COL24A1: variants seen among roughly 807,000 people sequenced by gnomAD.
The protein encoded by COL24A1 is collagen type XXIV alpha 1 chain, also known as collagen alpha-1(XXIV) chain.
COL24A1 carries 224 observed loss-of-function variants against 253.9 expected under a neutral mutation model. The observed-to-expected ratio is 0.88, with a 90% CI of 0.79 to 0.99. The LOEUF (loss-of-function observed/expected upper bound fraction) is 0.99. Among genes scored for constraint, COL24A1 ranks in the 50% least tolerant of loss-of-function variants. The pLI is 0.00. For synonymous variants in COL24A1, 685 were observed against 673.7 expected, an observed-to-expected ratio of 1.02 and a Z score of -0.26; for missense variants, 2,131 against 2,068.5, an observed-to-expected ratio of 1.03 and a Z score of -0.59.
intron 43 of COL24A1, among the ~76,000 whole-genome samples, chr1:85,827,268 G>A (rs889272517): frequency 6.6e-6 from 1 of 151,568 alleles, no homozygotes; most frequent in Non-Finnish European, 1.5e-5. Context: ...GCATCCCAGG[G>A]ATGAAGCCCA....
At chr1:86,137,862 C>T (rs116729938) in intron 2 of COL24A1, among the ~76,000 whole-genome samples, 284 of 152,254 alleles carry the variant, frequency 1.9e-3, no homozygotes, top group African/African-American at 6.5e-3. Flanking sequence ...AGTGAAGAGT[C>T]TCACAACCAC....
intron 57 of COL24A1, among the ~76,000 whole-genome samples, chr1:85,742,925 A>G (rs1168023140): frequency 6.6e-6 from 1 of 152,112 alleles, no homozygotes. Context: ...CATAAAGCAT[A>G]TTCAAGAATC....
At chr1:86,130,072 T>C (rs1648928478) in intron 2 of COL24A1, among the ~76,000 whole-genome samples, 1 of 151,858 alleles carries the variant, frequency 6.6e-6, no homozygotes. Context: ...AGTTCACATA[T>C]TTATTGAGTA....
intron 18 of COL24A1, among the ~76,000 whole-genome samples, chr1:86,019,516 C>T (rs900639518): frequency 1.3e-5 from 2 of 151,812 alleles, no homozygotes; most frequent in Non-Finnish European, 2.9e-5. Flanking sequence ...TGTGATGGCA[C>T]CATTACACTC....
At chr1:85,766,368 C>CAAAAAAAAAAAAAAAAAAAAAA (rs1319642983) in intron 53 of COL24A1, among the ~76,000 whole-genome samples, 1 of 66,292 alleles carries the variant, frequency 1.5e-5, no homozygotes, top group Non-Finnish European at 2.6e-5. Context: ...GACTCTGTCT[C>CAAAAAAAAAAAAAAAAAAAAAA]AAAAAAAAAA....
At chr1:85,953,118 C>A (rs544365434) in intron 24 of COL24A1, among the ~76,000 whole-genome samples, 66 of 152,216 alleles carry the variant, frequency 4.3e-4, no homozygotes, top group African/African-American at 1.5e-3. Context: ...ATCATTAGAA[C>A]CCTTTGCTAT....
chr1:85,741,223 T>C (rs886825939), intron 57 of COL24A1, among the ~76,000 whole-genome samples: 2 of 152,174 alleles, frequency 1.3e-5, no homozygotes, highest in Non-Finnish European at 2.9e-5. Flanking sequence ...CTCTTTTGAG[T>C]CTGCTTTCGT....
In COL24A1 at chr1:86,126,094, C is replaced by G. The variant is rs768447438; in HGVS notation, c.242G>C (p.Gly81Ala). The G allele has an allele frequency of 6.2e-7, 1 of 1,613,216 alleles. No homozygotes were observed. The highest frequency in any genetic ancestry group is 8.5e-7 in the Non-Finnish European group (1 of 1,179,766). The change falls in exon 3 of 60, where the codon GGA becomes GCA. Residue 81 changes from glycine (G) to alanine (A), a missense_variant. Transcript: ENST00000370571. ...LPQGVHLTES[G>A]VIFKNDAYIE... ...ATAAGCATCATTTTTAAAAATGACTCCTGATTCTGTTAAATGGACCCCCTG... is the reference window on the plus strand; with the variant it reads ...ATAAGCATCATTTTTAAAAATGACTGCTGATTCTGTTAAATGGACCCCCTG...
At chr1:85,837,929 T>A (rs1676195997) in intron 43 of COL24A1, among the ~76,000 whole-genome samples, 1 of 152,088 alleles carries the variant, frequency 6.6e-6, no homozygotes, top group South Asian at 2.1e-4. Context: ...AAGGCAGGAA[T>A]ACAGAACATC....
At chr1:85,990,999 T>G (rs1424930311) in intron 19 of COL24A1, among the ~76,000 whole-genome samples, 1 of 152,216 alleles carries the variant, frequency 6.6e-6, no homozygotes, top group Admixed American at 6.5e-5. Flanking sequence ...AATCTCCATT[T>G]TGCAATGATA....
chr1:85,788,370 C>T (rs193091702), intron 47 of COL24A1, among the ~76,000 whole-genome samples: 89 of 152,100 alleles, frequency 5.9e-4, no homozygotes, highest in Admixed American at 1.6e-3. Flanking sequence ...GGATTATAGG[C>T]GTGAGCCACC....
At chr1:85,783,878 T>C (rs1669392818) in intron 50 of COL24A1, among the ~76,000 whole-genome samples, 1 of 152,242 alleles carries the variant, frequency 6.6e-6, no homozygotes, top group Admixed American at 6.5e-5. Flanking sequence ...ATTTTCATAA[T>C]AAACTGCTTG....
chr1:85,874,378 TCA>T (rs2102589199), intron 35 of COL24A1, among the ~76,000 whole-genome samples: 1 of 152,314 alleles, frequency 6.6e-6, no homozygotes, highest in South Asian at 2.1e-4. Context: ...TTAGTGACAA[TCA>T]CAGTGACTCC....
chr1:86,006,436 C>T (rs1695966364), intron 19 of COL24A1, among the ~76,000 whole-genome samples: 4 of 152,134 alleles, frequency 2.6e-5, no homozygotes. Context: ...ACAAACGGTG[C>T]TGAAATAACT....
chr1:86,041,146 G>A (rs552549453), intron 12 of COL24A1, among the ~76,000 whole-genome samples: 3 of 152,278 alleles, frequency 2.0e-5, no homozygotes, highest in Admixed American at 2.0e-4. Context: ...CATCTCTGAA[G>A]TCTGGGTGCC....
chr1:85,798,836 T>C (rs769304811), intron 47 of COL24A1, among the ~76,000 whole-genome samples: 5 of 152,222 alleles, frequency 3.3e-5, no homozygotes, highest in Non-Finnish European at 7.3e-5. Context: ...TCGTTAGTTT[T>C]ATTTCTTTCC....
In COL24A1 at chr1:86,031,777, G is replaced by A. The variant is rs1698592129; in HGVS notation, c.2049+101C>T. The A allele has an allele frequency of 6.6e-6, 6 of 906,532 alleles. No homozygotes were observed. The South Asian group carries it at 1.0e-4, about 16-fold the overall frequency. The allele number at this position is 906,532 out of a possible 1,614,324, so 56.2% of individuals were successfully genotyped here. On this transcript the variant is annotated intron_variant, in intron 14 of 59. Coordinates refer to ENST00000370571, the MANE Select transcript of COL24A1 (RefSeq NM_152890.7). ...TCAAGGTTGATAACCAACAATGACA[G>A]TAAAACCTCTCATTTCCCTAAGTTT...
At chr1:85,907,062 T>C (rs976513943) in intron 28 of COL24A1, 132 bp downstream of exon 28, 1 of 623,746 alleles carries the variant, frequency 1.6e-6, no homozygotes. Context: ...TCTAATATAA[T>C]GAAAATAGAA....
At chr1:85,744,545 G>A in intron 57 of COL24A1, 121 bp downstream of exon 57, 4 of 660,904 alleles carry the variant, frequency 6.1e-6, no homozygotes, top group Non-Finnish European at 9.3e-6. Flanking sequence ...ACATTAAAAT[G>A]GCTTCTGCCA....
Sources: allele counts gnomAD v4.1 joint callset (sites outside exome capture counted in the v4.1 genomes callset), GRCh38; gene constraint gnomAD v4.1.1; transcripts MANE v1.5; gene names NCBI Gene and HGNC (gene_info 2026-07-23, HGNC 2026-07-21).